DAGLA: variants seen among roughly 807,000 people sequenced by gnomAD.
The protein encoded by DAGLA is diacylglycerol lipase alpha.
Under a neutral mutation model 102.6 loss-of-function variants are expected in DAGLA, and 22 were observed. The ratio of observed to expected loss-of-function variants is 0.21; its 90% confidence interval spans 0.15 to 0.31. The LOEUF (loss-of-function observed/expected upper bound fraction) is 0.31. Ranked by LOEUF, DAGLA falls within the 10% of genes least tolerant of loss-of-function variation. DAGLA has a pLI of 1.00. For synonymous variants in DAGLA, 578 were observed against 628.9 expected, an observed-to-expected ratio of 0.92 and a Z score of 1.21; for missense variants, 927 against 1,446.6, an observed-to-expected ratio of 0.64 and a Z score of 5.83.
intron 1 of DAGLA, among the ~76,000 whole-genome samples, chr11:61,692,190 G>A (rs1446587768): frequency 6.6e-6 from 1 of 152,164 alleles, no homozygotes; most frequent in African/African-American, 2.4e-5. Context: ...TGGCCCATGA[G>A]CCGGCAGCTT....
In DAGLA at chr11:61,743,612, G is replaced by C. The variant is rs758201065; in HGVS notation, c.2252G>C (p.Arg751Pro). The C allele has an allele frequency of 1.3e-6, 2 of 1,583,504 alleles. No homozygotes were observed. The highest frequency in any genetic ancestry group is 1.1e-5 in the South Asian group (1 of 87,902). ...LLSPVVAAAA[R>P]QDPVELLLLS... Reference sequence around the variant, plus strand: ...TCGCCAGTGGTTGCGGCGGCGGCCCGCCAGGACCCGGTGGAGCTGCTGCTG... The same window carrying C: ...TCGCCAGTGGTTGCGGCGGCGGCCCCCCAGGACCCGGTGGAGCTGCTGCTG... Residue 751 changes from arginine to proline, a missense_variant, in exon 20 of 20, where the codon CGC (arginine) becomes CCC (proline). Around this residue, in one of 4 missense-constraint regions of DAGLA, gnomAD observed 434 missense variants for 503.3 expected, o/e 0.86. Coordinates refer to ENST00000257215, the MANE Select transcript of DAGLA (RefSeq NM_006133.3).
intron 6 of DAGLA, among the ~76,000 whole-genome samples, chr11:61,727,028 G>A (rs533343029): frequency 1.3e-5 from 2 of 152,230 alleles, no homozygotes; most frequent in South Asian, 2.1e-4. Flanking sequence ...TGGAGGGCAC[G>A]CCTGCCCCTC....
chr11:61,695,781 G>A (rs146938705), intron 1 of DAGLA, among the ~76,000 whole-genome samples: 5 of 152,330 alleles, frequency 3.3e-5, no homozygotes, highest in Non-Finnish European at 2.9e-5. Context: ...AGCATATAGT[G>A]GGGGTGCTGG....
At chr11:61,737,430 T>C in intron 14 of DAGLA, 106 bp downstream of exon 14, 1 of 1,517,880 alleles carries the variant, frequency 6.6e-7, no homozygotes, top group Non-Finnish European at 9.0e-7. Flanking sequence ...TCTGGTCACA[T>C]GGAGGTCTGG....
chr11:61,712,706 G>A (rs115833688), intron 1 of DAGLA, among the ~76,000 whole-genome samples: 4,422 of 152,192 alleles, frequency 0.029, 217 homozygotes, highest in African/African-American at 0.1. Context: ...CTTTCTCTCC[G>A]TCGTCTCCCT....
At chr11:61,690,157 C>T (rs1260132013) in intron 1 of DAGLA, among the ~76,000 whole-genome samples, 1 of 152,254 alleles carries the variant, frequency 6.6e-6, no homozygotes, top group East Asian at 1.9e-4. Context: ...ATCCAAGTCT[C>T]TTTCCCCCTA....
At position 61,739,446 on chromosome 11, in the gene DAGLA, C is replaced by T. The variant is rs1197280240; in HGVS notation, c.1657-19C>T. The T allele has an allele frequency of 1.2e-6, 2 of 1,609,678 alleles. No homozygotes were observed. Among genetic ancestry groups the T allele is most frequent in the East Asian group, 2.2e-5 (1 of 44,838 alleles). On this transcript the variant is annotated intron_variant, in intron 16 of 19. Coordinates refer to ENST00000257215, the MANE Select transcript of DAGLA (RefSeq NM_006133.3). ...GCTACTTAGCTCTGTCCCCATCTCT[C>T]CCACTCCACCCCGCGCAGTGGCGGA...
Position 61,718,832 on chromosome 11 carries a change from G to A in DAGLA, c.-44-1280G>A, listed in dbSNP as rs758616331. On this transcript the variant is annotated intron_variant, in intron 1 of 19. Coordinates refer to ENST00000257215, the MANE Select transcript of DAGLA (RefSeq NM_006133.3). ...AGGGAGGCGGGCCGGGCGGACATGC[G>A]GGCTGGCCACCTGGCCCCACGCCCT... Among the ~76,000 whole-genome samples the A allele has an allele frequency of 1.5e-3, 224 of 152,322 alleles. 1 individual carries two copies. The highest frequency in any genetic ancestry group is 1.5e-3 in the Non-Finnish European group (102 of 68,024).
In DAGLA at chr11:61,744,623, C is replaced by T; in HGVS notation, c.*134C>T. ...TTAGCCTCAGGCACAGGCATCGCTG[C>T]TGAGCTGGGGGTCCGCATCCCTACC... On this transcript the variant is annotated 3_prime_UTR_variant, in exon 20 of 20. Coordinates refer to ENST00000257215, the MANE Select transcript of DAGLA (RefSeq NM_006133.3). The T allele has an allele frequency of 5.5e-6, 4 of 724,448 alleles. No individual in the cohort carries two copies. The highest frequency in any genetic ancestry group is 2.8e-5 in the East Asian group (1 of 36,204). 44.9% of individuals were successfully genotyped at this position (724,448 alleles called of 1,614,324 possible).
chr11:61,728,887 G>A, intron 7 of DAGLA, 44 bp from the exon 8 acceptor site: 1 of 1,575,482 alleles, frequency 6.3e-7, no homozygotes. Flanking sequence ...CATGCAGCCG[G>A]GCCTGGGCCA....
chr11:61,692,749 C>T (rs1398017489), intron 1 of DAGLA, among the ~76,000 whole-genome samples: 1 of 152,038 alleles, frequency 6.6e-6, no homozygotes, highest in Non-Finnish European at 1.5e-5. Context: ...AAGAGGGAAA[C>T]AACCCAACAT....
rs533665305 is a variant in DAGLA, at chr11:61,695,879, C to T, written c.-45+15375C>T. On this transcript the variant is annotated intron_variant, in intron 1 of 19. Coordinates refer to ENST00000257215, the MANE Select transcript of DAGLA (RefSeq NM_006133.3). ...GTAGGGTGTGCATCCCTGCGTGCCC[C>T]GGTGAGACCCTGGAAAGCCAGATAC... Among the ~76,000 whole-genome samples the T allele has an allele frequency of 2.4e-3, 360 of 152,262 alleles. 3 individuals carry two copies. The highest frequency in any genetic ancestry group is 2.0e-3 in the Non-Finnish European group (134 of 68,016).
chr11:61,719,145 C>A (rs1414305976), intron 1 of DAGLA, among the ~76,000 whole-genome samples: 2 of 152,226 alleles, frequency 1.3e-5, no homozygotes, highest in Non-Finnish European at 2.9e-5. Context: ...GGTCACCTCC[C>A]ACCCATGCTG....
intron 2 of DAGLA, 104 bp from the exon 3 acceptor site, chr11:61,720,575 G>T: frequency 2.8e-6 from 3 of 1,075,542 alleles, no homozygotes; most frequent in Non-Finnish European, 4.2e-6. Flanking sequence ...CCTGCTGCCA[G>T]CCCTCCTTCC....
chr11:61,693,538 C>T (rs1591025418), intron 1 of DAGLA, among the ~76,000 whole-genome samples: 1 of 148,714 alleles, frequency 6.7e-6, no homozygotes, highest in Non-Finnish European at 1.5e-5. Context: ...TAGTGGAGAC[C>T]GGGTTTCACC....
chr11:61,736,407 G>A (rs969320770), intron 13 of DAGLA, 57 bp downstream of exon 13: 12 of 1,386,616 alleles, frequency 8.7e-6, no homozygotes, highest in African/African-American at 5.7e-5. Flanking sequence ...CTCCTCCAAC[G>A]CAGCACAGAG....
intron 1 of DAGLA, among the ~76,000 whole-genome samples, chr11:61,685,133 G>A (rs1406690766): frequency 1.3e-5 from 2 of 152,030 alleles, no homozygotes; most frequent in Non-Finnish European, 2.9e-5. Flanking sequence ...CCCATGGGTA[G>A]TTATGACTTC....
intron 2 of DAGLA, 86 bp from the exon 3 acceptor site, chr11:61,720,593 C>T (rs1239893982): frequency 7.1e-6 from 9 of 1,272,960 alleles, no homozygotes; most frequent in African/African-American, 1.5e-5. Flanking sequence ...TCCACTGAAT[C>T]TGGGCTGGGG....
chr11:61,719,487 G>A (rs567046873), intron 1 of DAGLA, among the ~76,000 whole-genome samples: 4 of 152,356 alleles, frequency 2.6e-5, no homozygotes, highest in African/African-American at 7.2e-5. Flanking sequence ...CATAGAGCAC[G>A]CTCTTGGCTT....
Sources: gnomAD v4.1 joint callset for allele counts (sites outside exome capture counted in the v4.1 genomes callset) on GRCh38, gnomAD v4.1.1 for gene constraint, gnomAD v4.1.1 regional missense constraint, MANE v1.5 for transcripts, NCBI Gene and HGNC (gene_info 2026-07-23, HGNC 2026-07-21) for gene names.